The following MORC3 variants were observed in gnomAD, a reference collection of about 807,000 sequenced individuals.
The protein encoded by MORC3 is MORC family CW-type zinc finger 3.
In MORC3, 31 loss-of-function variants were observed where a neutral mutation model predicts 109.1. The ratio of observed to expected loss-of-function variants is 0.28; its 90% confidence interval spans 0.21 to 0.38. The LOEUF (loss-of-function observed/expected upper bound fraction) is 0.38. Ranked by LOEUF, MORC3 falls within the 10% of genes least tolerant of loss-of-function variation. The probability of loss-of-function intolerance (pLI) is 1.00; values close to 1 mark genes in which losing one functional copy is unlikely to be tolerated. For missense variants in MORC3, 867 were observed against 1,135.8 expected (o/e 0.76, Z 3.40); for synonymous variants, 395 against 380.7 (o/e 1.04, Z -0.44).
intron 5 of MORC3, among the ~76,000 whole-genome samples, chr21:36,340,453 C>G (rs1408228097): frequency 1.3e-5 from 2 of 152,134 alleles, no homozygotes; most frequent in African/African-American, 2.4e-5. Context: ...GTGGCAACCT[C>G]TAATCTGTTC....
chr21:36,365,247 G>A (rs1047004768), intron 14 of MORC3, among the ~76,000 whole-genome samples: 1 of 152,130 alleles, frequency 6.6e-6, no homozygotes, highest in African/African-American at 2.4e-5. Flanking sequence ...CGAAGGCTTT[G>A]TGATGAGGTG....
intron 9 of MORC3, among the ~76,000 whole-genome samples, chr21:36,350,380 C>T (rs1241085021): frequency 6.6e-6 from 1 of 151,666 alleles, no homozygotes; most frequent in Non-Finnish European, 1.5e-5. Flanking sequence ...ATCGCTTGAG[C>T]CGAGGAGTTT....
intron 8 of MORC3, 78 bp downstream of exon 8, chr21:36,345,109 T>A (rs2085492929): frequency 1.5e-6 from 2 of 1,369,694 alleles, no homozygotes; most frequent in Non-Finnish European, 2.0e-6. Flanking sequence ...TTGAGTCAAA[T>A]GTTAAATAAT....
At chr21:36,341,367 A>G (rs1174434357) in intron 5 of MORC3, 32 bp from the exon 6 acceptor site, 1 of 1,582,390 alleles carries the variant, frequency 6.3e-7, no homozygotes, top group Non-Finnish European at 8.6e-7. Flanking sequence ...GTGAAGTTAA[A>G]TTTTGGTTCT....
chr21:36,349,050 G>T (rs1286595170), intron 8 of MORC3, among the ~76,000 whole-genome samples: 2 of 151,946 alleles, frequency 1.3e-5, no homozygotes, highest in East Asian at 3.9e-4. Flanking sequence ...TACTCGGGAG[G>T]CTGAGGCAAC....
At position 36,362,166 on chromosome 21, in the gene MORC3, TC is replaced by T; in HGVS notation, c.1407-16del. The T allele has an allele frequency of 6.2e-7, 1 of 1,612,428 alleles. No homozygotes were observed. Among genetic ancestry groups the T allele is most frequent in the East Asian group, 2.2e-5 (1 of 44,852 alleles). Reference sequence around the variant, plus strand: ...GGATTGAGAAATAACAACATGTTTTTCATCTTTATTTTAAAGCAACAAGGAA... The same window carrying T: ...GGATTGAGAAATAACAACATGTTTTTATCTTTATTTTAAAGCAACAAGGAA... On this transcript the variant is annotated splice_polypyrimidine_tract_variant and intron_variant, in intron 12 of 16. Coordinates refer to ENST00000400485, the MANE Select transcript of MORC3 (RefSeq NM_015358.3).
chr21:36,338,731 T>C (rs762343428), intron 4 of MORC3, 43 bp from the exon 5 acceptor site: 2 of 1,530,528 alleles, frequency 1.3e-6, no homozygotes, highest in East Asian at 2.3e-5. Flanking sequence ...ATTGTAATTA[T>C]GAAAACTATG....
intron 1 of MORC3, chr21:36,320,505 C>T (rs2085178745): frequency 7.2e-6 from 3 of 419,542 alleles, no homozygotes; most frequent in Non-Finnish European, 1.2e-5. Flanking sequence ...GTCGCCTCTG[C>T]ATTGTGTTTC....
At chr21:36,341,657 G>T in intron 6 of MORC3, 111 bp downstream of exon 6, 2 of 1,429,824 alleles carry the variant, frequency 1.4e-6, no homozygotes, top group East Asian at 2.3e-5. Flanking sequence ...CTCTCTAAAT[G>T]AAAGTATCTC....
chr21:36,369,950 G>A, intron 15 of MORC3, 74 bp downstream of exon 15: 1 of 1,529,914 alleles, frequency 6.5e-7, no homozygotes, highest in East Asian at 2.3e-5. Flanking sequence ...CAGTTGGCTG[G>A]GCGCGGTGGC....
intron 14 of MORC3, among the ~76,000 whole-genome samples, chr21:36,367,376 G>A (rs561686518): frequency 6.6e-6 from 1 of 152,160 alleles, no homozygotes; most frequent in East Asian, 1.9e-4. Flanking sequence ...TACGCAGATC[G>A]CCCTGGATAG....
chr21:36,359,663 C>A (rs532634160), intron 10 of MORC3, among the ~76,000 whole-genome samples: 1 of 149,734 alleles, frequency 6.7e-6, no homozygotes, highest in Non-Finnish European at 1.5e-5. Context: ...AAGCAATCCT[C>A]CCACCTCAGC....
chr21:36,335,572 T>C (rs1465581644), intron 2 of MORC3, among the ~76,000 whole-genome samples: 1 of 152,162 alleles, frequency 6.6e-6, no homozygotes, highest in East Asian at 1.9e-4. Flanking sequence ...CACCTCTGCC[T>C]CCCAAACTGC....
intron 5 of MORC3, chr21:36,339,229 C>T (rs1601518377): frequency 5.3e-6 from 1 of 189,992 alleles, no homozygotes; most frequent in Non-Finnish European, 1.1e-5. Context: ...AAGCGATTCT[C>T]CTGCTTCAGT....
At chr21:36,350,789 C>T (rs904013230) in intron 9 of MORC3, among the ~76,000 whole-genome samples, 26 of 152,196 alleles carry the variant, frequency 1.7e-4, no homozygotes, top group Non-Finnish European at 3.2e-4. Context: ...AAACTTCCCA[C>T]ATACTAAATT....
intron 10 of MORC3, among the ~76,000 whole-genome samples, chr21:36,358,264 A>G (rs1260903164): frequency 6.6e-6 from 1 of 151,988 alleles, no homozygotes; most frequent in Admixed American, 6.5e-5. Context: ...GCACACCTGT[A>G]GTCCCAGCTA....
intron 9 of MORC3, among the ~76,000 whole-genome samples, chr21:36,352,388 A>C (rs2085582128): frequency 2.2e-5 from 2 of 90,788 alleles, no homozygotes; most frequent in Non-Finnish European, 4.7e-5. Context: ...ATAAGGCCAA[A>C]AAAAAGGGGT....
intron 1 of MORC3, 52 bp from the exon 2 acceptor site, chr21:36,333,594 T>C: frequency 6.8e-7 from 1 of 1,464,338 alleles, no homozygotes; most frequent in Non-Finnish European, 9.5e-7. Flanking sequence ...CTGGTTTTTA[T>C]TTTCAAAAGT....
intron 13 of MORC3, among the ~76,000 whole-genome samples, chr21:36,363,815 C>T (rs540286899): frequency 3.3e-5 from 5 of 152,242 alleles, no homozygotes; most frequent in African/African-American, 1.2e-4. Flanking sequence ...ATCTTTTTGG[C>T]TTTGTGGGCC....
Sources: gnomAD v4.1 joint callset for allele counts (sites outside exome capture counted in the v4.1 genomes callset) on GRCh38, gnomAD v4.1.1 for gene constraint, MANE v1.5 for transcripts, NCBI Gene and HGNC (gene_info 2026-07-23, HGNC 2026-07-21) for gene names.